The following EXOSC2 variants were observed in gnomAD, a reference collection of about 807,000 sequenced individuals.
EXOSC2 encodes the protein exosome complex component RRP4.
In EXOSC2, 29 loss-of-function variants were observed where a neutral mutation model predicts 37.6. That is an observed-to-expected ratio of 0.77 (90% CI 0.57 to 1.05). The LOEUF is 1.05. Among genes scored for constraint, EXOSC2 ranks in the 50% least tolerant of loss-of-function variants. The probability of loss-of-function intolerance (pLI) is 0.00; values close to 1 mark genes in which losing one functional copy is unlikely to be tolerated. For missense variants in EXOSC2, 346 were observed against 365.6 expected (o/e 0.95, Z 0.44); for synonymous variants, 119 against 131.1 (o/e 0.91, Z 0.63).
Position 130,703,815 on chromosome 9 carries a change from G to T in EXOSC2, c.*41G>T. The stretch of plus-strand genomic sequence containing the variant: ...GCACGGGACTGTGGACCTTGCAGGA[G>T]TGAAGACTGTGATGTGTGGTCCCCA... On this transcript the variant is annotated 3_prime_UTR_variant, in exon 9 of 9. Coordinates refer to ENST00000372358, the MANE Select transcript of EXOSC2 (RefSeq NM_014285.7). The T allele has an allele frequency of 6.7e-7, 1 of 1,500,720 alleles. No homozygotes were observed. Among genetic ancestry groups the T allele is most frequent in the Non-Finnish European group, 9.2e-7 (1 of 1,085,348 alleles). The allele number at this position is 1,500,720 out of a possible 1,614,324, so 93.0% of individuals were successfully genotyped here.
rs371652967 is a variant in EXOSC2 at position 130,702,083 on chromosome 9, A to G, written c.496-51A>G. 164 of 1,587,928 alleles carry G rather than the reference A, an allele frequency of 1.0e-4. No individual in the cohort carries two copies. The African/African-American group carries it at 1.7e-3, about 17-fold the overall frequency. On this transcript the variant is annotated intron_variant, in intron 6 of 8. Coordinates refer to ENST00000372358, the MANE Select transcript of EXOSC2 (RefSeq NM_014285.7). ...ATGTATATTCTGTAGTCTCCTTTTC[A>G]TTCATCCCGCCAATCTTGCAGTGAC...
chr9:130,703,229 C>A, intron 8 of EXOSC2, 48 bp downstream of exon 8: 2 of 1,575,010 alleles, frequency 1.3e-6, no homozygotes, highest in South Asian at 2.3e-5. Flanking sequence ...GTGAGCTGCT[C>A]TGTTGTTTGT....
At position 130,694,876 on chromosome 9, in the gene EXOSC2, G is replaced by GT. The variant is rs1270901837; in HGVS notation, c.123-602dup. 2.7e-3 allele frequency among the ~76,000 whole-genome samples: 383 copies of GT among 144,492 alleles called. No individual in the cohort carries two copies. The highest frequency in any genetic ancestry group is 4.7e-3 in the Admixed American group (69 of 14,556). The allele number at this position is 144,492 out of a possible 152,430, so 94.8% of individuals were successfully genotyped here. A position where few individuals can be genotyped will look rare whatever the true frequency, so the allele number is the denominator to read the frequency against. ...CGCCACCATGCCTAGCTAATTTTTGGTTTTTTTTTTTTTTAGTAGAGACAG... is the reference window on the plus strand; with the variant it reads ...CGCCACCATGCCTAGCTAATTTTTGGTTTTTTTTTTTTTTTAGTAGAGACAG... On this transcript the variant is annotated intron_variant, in intron 1 of 8. Coordinates refer to ENST00000372358, the MANE Select transcript of EXOSC2 (RefSeq NM_014285.7). This position sits in a 1 kb window ranked among gnomAD's most constrained non-coding sequence, Gnocchi z 4.0.
chr9:130,695,089 G>A (rs940184396), intron 1 of EXOSC2, among the ~76,000 whole-genome samples: 1 of 152,188 alleles, frequency 6.6e-6, no homozygotes, highest in African/African-American at 2.4e-5. Flanking sequence ...TTATGGCAGA[G>A]TGAAAAATCT....
chr9:130,700,660 T>C (rs1453267395), intron 5 of EXOSC2, among the ~76,000 whole-genome samples: 1 of 151,948 alleles, frequency 6.6e-6, no homozygotes, highest in Non-Finnish European at 1.5e-5. Context: ...CACCTGGCCT[T>C]CTGTCTGTAT....
chr9:130,697,255 G>A (rs1831116468), intron 2 of EXOSC2, among the ~76,000 whole-genome samples: 1 of 152,170 alleles, frequency 6.6e-6, no homozygotes, highest in South Asian at 2.1e-4. Flanking sequence ...CTCTTCCTTT[G>A]GCTGGTGCAG....
rs981902740 is a variant in EXOSC2, at chr9:130,693,929, G to C, written c.122+16G>C. 6.3e-7 allele frequency: 1 copy of C among 1,584,662 alleles called. No homozygotes were observed. The highest frequency in any genetic ancestry group is 1.1e-5 in the South Asian group (1 of 89,506). On this transcript the variant is annotated intron_variant, in intron 1 of 8. Coordinates refer to ENST00000372358, the MANE Select transcript of EXOSC2 (RefSeq NM_014285.7). Reference sequence around the variant, plus strand: ...GATTCATGCGGTACGTGGGGACTTGGGGGAGTCGAGGCTTCAGAGAGCGGC... The same window carrying C: ...GATTCATGCGGTACGTGGGGACTTGCGGGAGTCGAGGCTTCAGAGAGCGGC...
At chr9:130,701,908 A>T in intron 6 of EXOSC2, 1 of 1,360,082 alleles carries the variant, frequency 7.4e-7, no homozygotes. Context: ...AAGGGAAATG[A>T]CAGAGAAGAG....
rs571422372 is a variant in EXOSC2, at chr9:130,698,664, G to A, written c.360+413G>A. The stretch of plus-strand genomic sequence containing the variant: ...GTGGAATGTGGTTGCTGGCATTCCA[G>A]ACAACCACAGTAACTAAGCCACAGC... On this transcript the variant is annotated intron_variant, in intron 4 of 8. Coordinates refer to ENST00000372358, the MANE Select transcript of EXOSC2 (RefSeq NM_014285.7). This position sits in a 1 kb window ranked among gnomAD's most constrained non-coding sequence, Gnocchi z 4.1. Among the ~76,000 whole-genome samples the A allele has an allele frequency of 6.6e-6, 1 of 152,308 alleles. No homozygotes were observed. The highest frequency in any genetic ancestry group is 6.5e-5 in the Admixed American group (1 of 15,294).
Position 130,703,940 on chromosome 9 carries a change from C to T in EXOSC2, c.*166C>T, listed in dbSNP as rs548741912. 5.9e-5 allele frequency: 31 copies of T among 521,856 alleles called. No individual in the cohort carries two copies. The East Asian group carries it at 9.1e-4, about 15-fold the overall frequency. The allele number at this position is 521,856 out of a possible 1,614,324, so 32.3% of individuals were successfully genotyped here. On this transcript the variant is annotated 3_prime_UTR_variant, in exon 9 of 9. Coordinates refer to ENST00000372358, the MANE Select transcript of EXOSC2 (RefSeq NM_014285.7). ...AGGCCTGCTTTCTCCTGTCCTAACACCAAGCCTGGGTGGCAGATGAACAGT... is the reference window on the plus strand; with the variant it reads ...AGGCCTGCTTTCTCCTGTCCTAACATCAAGCCTGGGTGGCAGATGAACAGT...
rs562880257 is a variant in EXOSC2, at chr9:130,700,042, T to A, written c.426+648T>A. Among the ~76,000 whole-genome samples, 43 of 152,202 alleles carry A rather than the reference T, an allele frequency of 2.8e-4. No homozygotes were observed. In the East Asian group the frequency reaches 3.5e-3, roughly 12 times the overall value. On this transcript the variant is annotated intron_variant, in intron 5 of 8. Coordinates refer to ENST00000372358, the MANE Select transcript of EXOSC2 (RefSeq NM_014285.7). ...TATTTTTTAAATTTTTCTTTTTTTT[T>A]AATGACGGAGTCTTGCTCTGTTGCC...
intron 5 of EXOSC2, 32 bp from the exon 6 acceptor site, chr9:130,700,835 G>A (rs111479791): frequency 6.2e-7 from 1 of 1,611,682 alleles, no homozygotes; most frequent in Non-Finnish European, 8.5e-7. Flanking sequence ...TGTGGCCAAG[G>A]CTGCTGTTTG....
In EXOSC2 at chr9:130,698,341, C is replaced by T; in HGVS notation, c.360+90C>T. Reference sequence around the variant, plus strand: ...TGTTCCACCAGAGGACTTTGATTTACACTGAGGTTGCCCCTTTGACTCCTG... The same window carrying T: ...TGTTCCACCAGAGGACTTTGATTTATACTGAGGTTGCCCCTTTGACTCCTG... On this transcript the variant is annotated intron_variant, in intron 4 of 8. Transcript: ENST00000372358. The surrounding 1 kb of genome is among the most constrained non-coding windows in gnomAD (Gnocchi z 4.1). 2 of 1,195,366 alleles carry T rather than the reference C, an allele frequency of 1.7e-6. No individual in the cohort carries two copies. The highest frequency in any genetic ancestry group is 2.5e-5 in the South Asian group (2 of 78,762). 74.0% of individuals were successfully genotyped at this position (1,195,366 alleles called of 1,614,324 possible).
rs1831232052 is a variant in EXOSC2, at chr9:130,702,215, G to A, written c.577G>A (p.Ala193Thr). ...KTHFHDLPCGASVILGNNGFI... is the reference protein window; with the variant it reads ...KTHFHDLPCGTSVILGNNGFI... ...CCACTTTCATGATTTGCCATGTGGT[G>A]CCTCAGTGATTCTCGGTAACAACGG... Residue 193 changes from alanine (A) to threonine (T), a missense_variant, in exon 7 of 9, where the codon GCC (alanine) becomes ACC (threonine). Ala to Thr is a moderately conservative substitution (Grantham distance 58). Transcript: ENST00000372358. 1 of 1,614,162 alleles carries A rather than the reference G, an allele frequency of 6.2e-7. No homozygotes were observed. The highest frequency in any genetic ancestry group is 1.3e-5 in the African/African-American group (1 of 75,022).
At chr9:130,696,926 C>T (rs548783056) in intron 2 of EXOSC2, among the ~76,000 whole-genome samples, 7 of 152,048 alleles carry the variant, frequency 4.6e-5, no homozygotes, top group Admixed American at 2.6e-4. Context: ...GAGGGGGCTG[C>T]GGGAAAGCTT....
At chr9:130,700,562 T>A (rs1027009682) in intron 5 of EXOSC2, among the ~76,000 whole-genome samples, 1 of 151,704 alleles carries the variant, frequency 6.6e-6, no homozygotes, top group Non-Finnish European at 1.5e-5. Flanking sequence ...TTTCTCCATG[T>A]TGGTCAGGCT....
chr9:130,703,667 T>C, intron 8 of EXOSC2, 27 bp from the exon 9 acceptor site: 2 of 1,598,720 alleles, frequency 1.3e-6, no homozygotes, highest in Non-Finnish European at 1.7e-6. Context: ...GTTTCTTTTC[T>C]GAACAAATGC....
In EXOSC2 at chr9:130,703,182, G is replaced by T; in HGVS notation, c.801+1G>T. The T allele has an allele frequency of 6.2e-7, 1 of 1,608,700 alleles. No homozygotes were observed. Reference sequence around the variant, plus strand: ...CTATGAAGCATCCCTTCCACATCAGGTACTCTCCCCAGGGCCTCTCCCTTC... The same window carrying T: ...CTATGAAGCATCCCTTCCACATCAGTTACTCTCCCCAGGGCCTCTCCCTTC... On this transcript the variant is annotated splice_donor_variant, in intron 8 of 8. Transcript: ENST00000372358. LOFTEE classifies it high-confidence loss of function.
At chr9:130,702,961 A>T in intron 7 of EXOSC2, 92 bp from the exon 8 acceptor site, 1 of 1,454,562 alleles carries the variant, frequency 6.9e-7, no homozygotes, top group Non-Finnish European at 9.4e-7. Context: ...ATACTGTCTG[A>T]GTCATAAATG....
Sources: allele counts gnomAD v4.1 joint callset (sites outside exome capture counted in the v4.1 genomes callset), GRCh38; gene constraint gnomAD v4.1.1; non-coding constraint Gnocchi (gnomAD v3.1); transcripts MANE v1.5; gene names NCBI Gene and HGNC (gene_info 2026-07-23, HGNC 2026-07-21).